The following PHACTR1 variants were observed in gnomAD, a reference collection of about 807,000 sequenced individuals.
PHACTR1 encodes the protein RPEL repeat containing 1.
A neutral mutation model predicts 69.2 loss-of-function variants in PHACTR1; 16 were observed. The ratio of observed to expected loss-of-function variants is 0.23; its 90% CI spans 0.16 to 0.35. The LOEUF (loss-of-function observed/expected upper bound fraction) is 0.35, where lower values mean the gene tolerates loss of function less well. PHACTR1 is among the 10% of genes least tolerant of loss of function. The probability of loss-of-function intolerance (pLI) is 1.00; values close to 1 mark genes in which losing one functional copy is unlikely to be tolerated. For synonymous variants in PHACTR1, 312 were observed against 284.5 expected (o/e 1.10, Z -0.97); for missense variants, 510 against 734.7 (o/e 0.69, Z 3.54).
At chr6:12,939,476 CT>C (rs757131456) in intron 4 of PHACTR1, among the ~76,000 whole-genome samples, 20 of 152,158 alleles carry the variant, frequency 1.3e-4, no homozygotes, top group Non-Finnish European at 2.8e-4. Context: ...AAGAGTGTGA[CT>C]GTTAACCAGT....
chr6:13,070,305 A>G (rs1809307480), intron 5 of PHACTR1, among the ~76,000 whole-genome samples: 1 of 152,154 alleles, frequency 6.6e-6, no homozygotes, highest in Non-Finnish European at 1.5e-5. Context: ...AAAACTTAAT[A>G]ATTATGTTAT....
At chr6:13,121,051 G>A (rs372321436) in intron 5 of PHACTR1, among the ~76,000 whole-genome samples, 34 of 152,268 alleles carry the variant, frequency 2.2e-4, no homozygotes, top group Middle Eastern at 3.4e-3. Context: ...CCAGATAAGG[G>A]TGTAAAGGAG....
intron 5 of PHACTR1, among the ~76,000 whole-genome samples, chr6:13,122,778 C>G (rs1344933841): frequency 9.2e-5 from 14 of 152,296 alleles, no homozygotes; most frequent in Admixed American, 9.2e-4. Context: ...ATCGGAAGGA[C>G]CACTTATCCA....
chr6:13,205,773 C>T (rs1415805387), intron 7 of PHACTR1, 42 bp from the exon 8 acceptor site: 2 of 1,518,488 alleles, frequency 1.3e-6, no homozygotes, highest in Non-Finnish European at 1.8e-6. Context: ...TCTTCTGATG[C>T]CCCCAAACTC....
At chr6:13,236,520 C>G (rs550729296) in intron 10 of PHACTR1, among the ~76,000 whole-genome samples, 1 of 152,206 alleles carries the variant, frequency 6.6e-6, no homozygotes, top group East Asian at 1.9e-4. Context: ...CTCCCGGCCT[C>G]TCGTGTTTGC....
intron 14 of PHACTR1, 58 bp downstream of exon 14, chr6:13,286,280 C>A: frequency 2.9e-6 from 4 of 1,388,240 alleles, no homozygotes; most frequent in Non-Finnish European, 2.0e-6. Context: ...TATTTATCTC[C>A]AAATAAAGCT....
At chr6:13,184,922 C>A in intron 7 of PHACTR1, 1 of 1,366,566 alleles carries the variant, frequency 7.3e-7, no homozygotes, top group Non-Finnish European at 9.8e-7. Flanking sequence ...CATGAAGAGA[C>A]CCCAGTGAAG....
At chr6:13,212,531 T>C (rs1458111486) in intron 8 of PHACTR1, among the ~76,000 whole-genome samples, 1 of 152,202 alleles carries the variant, frequency 6.6e-6, no homozygotes, top group African/African-American at 2.4e-5. Flanking sequence ...ATATTCTGTC[T>C]TTAATGTGGA....
intron 8 of PHACTR1, among the ~76,000 whole-genome samples, chr6:13,226,030 T>C (rs1306361503): frequency 6.6e-6 from 1 of 152,210 alleles, no homozygotes; most frequent in African/African-American, 2.4e-5. Flanking sequence ...CCTGCTCCCA[T>C]TGTCATTTGT....
chr6:12,906,992 G>A (rs1384404692), intron 4 of PHACTR1, among the ~76,000 whole-genome samples: 1 of 152,068 alleles, frequency 6.6e-6, no homozygotes, highest in Non-Finnish European at 1.5e-5. Flanking sequence ...ACTAAGAGTT[G>A]GCCAATACTG....
At chr6:13,241,924 T>A (rs1306300704) in intron 10 of PHACTR1, among the ~76,000 whole-genome samples, 1 of 150,508 alleles carries the variant, frequency 6.6e-6, no homozygotes, top group Admixed American at 6.6e-5. Flanking sequence ...TCCCAGCTAC[T>A]TGGGAAGCTG....
chr6:13,152,885 GA>G (rs1421159290), intron 5 of PHACTR1, among the ~76,000 whole-genome samples: 1 of 152,132 alleles, frequency 6.6e-6, no homozygotes, highest in Non-Finnish European at 1.5e-5. Flanking sequence ...CCATGGGAAG[GA>G]ACAGGCAAGA....
chr6:13,084,964 A>G (rs1161352877), intron 5 of PHACTR1, among the ~76,000 whole-genome samples: 1 of 152,154 alleles, frequency 6.6e-6, no homozygotes, highest in African/African-American at 2.4e-5. Flanking sequence ...AATTATGGCA[A>G]TTAGCGTAGA....
rs139385196 is a variant in PHACTR1, at chr6:12,828,976, C to T, written c.250+79186C>T. 1.5e-3 allele frequency among the ~76,000 whole-genome samples: 232 copies of T among 152,172 alleles called. 1 individual carries two copies. The highest frequency in any genetic ancestry group is 4.5e-3 in the African/African-American group (187 of 41,512). On this transcript the variant is annotated intron_variant, in intron 4 of 14. Coordinates refer to ENST00000332995, the MANE Select transcript of PHACTR1 (RefSeq NM_030948.6). ...TAGAAGAGAGGATTTTGAAAGAAAT[C>T]GTGAATGTTTGAGGTGATGGGTATC...
At position 13,287,321 on chromosome 6, in the gene PHACTR1, G is replaced by C; in HGVS notation, c.*243G>C. On this transcript the variant is annotated 3_prime_UTR_variant, in exon 15 of 15. Transcript: ENST00000332995. ...CCAAAATGCATCCCAACCCCCGGCAGTGCCAAGGGCACCAGCAGGGCCCTG... is the reference window on the plus strand; with the variant it reads ...CCAAAATGCATCCCAACCCCCGGCACTGCCAAGGGCACCAGCAGGGCCCTG... 1.8e-6 allele frequency: 1 copy of C among 546,158 alleles called. No homozygotes were observed. Among genetic ancestry groups the C allele is most frequent in the African/African-American group, 1.9e-5 (1 of 51,668 alleles). 33.8% of individuals were successfully genotyped at this position (546,158 alleles called of 1,614,324 possible).
chr6:12,731,602 T>C (rs772702494), intron 3 of PHACTR1, among the ~76,000 whole-genome samples: 2 of 152,248 alleles, frequency 1.3e-5, no homozygotes, highest in Non-Finnish European at 2.9e-5. Context: ...AAGGGCTTTG[T>C]ATTTATTATC....
chr6:13,205,657 G>A (rs1333345343), intron 7 of PHACTR1, among the ~76,000 whole-genome samples, 158 bp from the exon 8 acceptor site: 1 of 152,210 alleles, frequency 6.6e-6, no homozygotes, highest in Non-Finnish European at 1.5e-5. Context: ...ATGGATACTT[G>A]CTGAGTAGCA....
chr6:13,122,155 C>T (rs186299555), intron 5 of PHACTR1, among the ~76,000 whole-genome samples: 97 of 152,226 alleles, frequency 6.4e-4, no homozygotes, highest in African/African-American at 2.2e-3. Flanking sequence ...CCCGCACTTT[C>T]CAAATGGTAG....
intron 4 of PHACTR1, among the ~76,000 whole-genome samples, chr6:12,873,911 G>A (rs1337464455): frequency 6.6e-6 from 1 of 152,198 alleles, no homozygotes; most frequent in East Asian, 1.9e-4. Flanking sequence ...ATGCCTGTGG[G>A]TGTGCAGATT....
Sources: allele counts gnomAD v4.1 joint callset (sites outside exome capture counted in the v4.1 genomes callset), GRCh38; gene constraint gnomAD v4.1.1; transcripts MANE v1.5; gene names NCBI Gene and HGNC (gene_info 2026-07-23, HGNC 2026-07-21).